SLC7A8: variants seen among roughly 807,000 people sequenced by gnomAD.
SLC7A8 encodes the protein solute carrier family 7 member 8.
A neutral mutation model predicts 51.2 loss-of-function variants in SLC7A8; 30 were observed. That is an observed-to-expected ratio of 0.59 (90% confidence interval 0.44 to 0.80). The LOEUF (loss-of-function observed/expected upper bound fraction) is 0.80. Ranked by LOEUF, SLC7A8 falls within the 30% of genes least tolerant of loss-of-function variation. The pLI is 0.00. For synonymous variants in SLC7A8, 257 were observed against 275.8 expected, an observed-to-expected ratio of 0.93 and a Z score of 0.67; for missense variants, 612 against 674.4, an observed-to-expected ratio of 0.91 and a Z score of 1.03.
rs1276430149 is a variant in SLC7A8, at chr14:23,183,191, T to C, written c.-277A>G. ...GGAGACATACATTTAAATATAAAAA[T>C]AGAACTGTGCCAGCGACTCCGGCTG... On this transcript the variant is annotated 5_prime_UTR_variant, in exon 1 of 11. Coordinates refer to ENST00000316902, the MANE Select transcript of SLC7A8 (RefSeq NM_012244.4). 1 of 296,246 alleles carries C rather than the reference T, an allele frequency of 3.4e-6. No homozygotes were observed. The highest frequency in any genetic ancestry group is 3.4e-5 in the South Asian group (1 of 29,842). The allele number at this position is 296,246 out of a possible 1,614,324, so 18.4% of individuals were successfully genotyped here. A position where few individuals can be genotyped will look rare whatever the true frequency, so the allele number is the denominator to read the frequency against.
At chr14:23,169,827 C>T (rs2048967614) in intron 1 of SLC7A8, among the ~76,000 whole-genome samples, 1 of 152,126 alleles carries the variant, frequency 6.6e-6, no homozygotes, top group Non-Finnish European at 1.5e-5. Flanking sequence ...CCTAGAAAGG[C>T]AGTTATTTGC....
chr14:23,147,919 T>C (rs1022255625), intron 3 of SLC7A8, among the ~76,000 whole-genome samples: 6 of 152,196 alleles, frequency 3.9e-5, no homozygotes, highest in African/African-American at 1.4e-4. Flanking sequence ...CAATGCTTTC[T>C]GCAGGACTGG....
intron 4 of SLC7A8, 39 bp from the exon 5 acceptor site, chr14:23,140,663 A>G (rs931194742): frequency 4.4e-6 from 7 of 1,588,292 alleles, no homozygotes; most frequent in Non-Finnish European, 6.0e-6. Context: ...CAGTGAGACA[A>G]GTCAGGGGCC....
intron 5 of SLC7A8, 36 bp downstream of exon 5, chr14:23,140,435 C>T: frequency 6.4e-7 from 1 of 1,574,154 alleles, no homozygotes; most frequent in African/African-American, 1.4e-5. Flanking sequence ...TGTGGCCCTT[C>T]AAGGGAGAGG....
At chr14:23,179,953 T>G (rs1327107588) in intron 1 of SLC7A8, among the ~76,000 whole-genome samples, 1 of 150,510 alleles carries the variant, frequency 6.6e-6, no homozygotes, top group Non-Finnish European at 1.5e-5. Context: ...TCACCCAGAC[T>G]GGAGTGCAGT....
chr14:23,172,888 C>A (rs2048981761), intron 1 of SLC7A8, among the ~76,000 whole-genome samples: 1 of 152,052 alleles, frequency 6.6e-6, no homozygotes, highest in Non-Finnish European at 1.5e-5. Context: ...AAGCTCTAAT[C>A]CCTTTCAAAT....
chr14:23,135,286 T>C (rs2048678727), intron 7 of SLC7A8, among the ~76,000 whole-genome samples: 1 of 151,654 alleles, frequency 6.6e-6, no homozygotes, highest in Non-Finnish European at 1.5e-5. Context: ...AGGTGGGGTT[T>C]CATTATATTG....
intron 1 of SLC7A8, among the ~76,000 whole-genome samples, chr14:23,169,653 C>T (rs928468066): frequency 1.3e-5 from 2 of 152,164 alleles, no homozygotes; most frequent in South Asian, 2.1e-4. Context: ...GTGATCCACC[C>T]GCCTCGACCT....
chr14:23,166,685 C>G, intron 1 of SLC7A8, 145 bp from the exon 2 acceptor site: 1 of 794,912 alleles, frequency 1.3e-6, no homozygotes, highest in Non-Finnish European at 2.0e-6. Flanking sequence ...GTGTGCCTAG[C>G]AATAATTCTC....
At chr14:23,179,911 T>G (rs1022843126) in intron 1 of SLC7A8, among the ~76,000 whole-genome samples, 2 of 150,674 alleles carry the variant, frequency 1.3e-5, no homozygotes, top group African/African-American at 2.4e-5. Context: ...TTTGACTTTT[T>G]TTTTTTTTTT....
At chr14:23,134,135 C>T (rs2048665917) in intron 7 of SLC7A8, among the ~76,000 whole-genome samples, 1 of 137,172 alleles carries the variant, frequency 7.3e-6, no homozygotes, top group Admixed American at 7.4e-5. Flanking sequence ...ATTTATGGGC[C>T]TATTTATTAA....
chr14:23,149,489 ATGATTT>A, intron 3 of SLC7A8, among the ~76,000 whole-genome samples: 1 of 152,228 alleles, frequency 6.6e-6, no homozygotes, highest in Non-Finnish European at 1.5e-5. Context: ...TTCTGCCCCC[ATGATTT>A]TGTTGGTCTC....
intron 3 of SLC7A8, chr14:23,147,079 A>ATCCATCCATCCATCCC (rs2048801879): frequency 3.3e-4 from 1 of 3,064 alleles, no homozygotes; most frequent in Non-Finnish European, 1.0e-3. Flanking sequence ...GGGGCTTTTT[A>ATCCATCCATCCATCCC]TCCATCCATC....
intron 1 of SLC7A8, among the ~76,000 whole-genome samples, chr14:23,179,503 C>T (rs540429575): frequency 1.3e-4 from 19 of 145,942 alleles, no homozygotes; most frequent in Non-Finnish European, 2.1e-4. Flanking sequence ...TGCCACAGTC[C>T]CTGAAAAAAA....
intron 2 of SLC7A8, among the ~76,000 whole-genome samples, 182 bp downstream of exon 2, chr14:23,166,154 A>G (rs903814448): frequency 2.6e-5 from 4 of 152,154 alleles, no homozygotes; most frequent in Admixed American, 2.6e-4. Flanking sequence ...GGGAGCCTCA[A>G]GGGGATACAA....
At chr14:23,157,438 TAC>T (rs1325517642) in intron 3 of SLC7A8, among the ~76,000 whole-genome samples, 1 of 152,216 alleles carries the variant, frequency 6.6e-6, no homozygotes, top group East Asian at 1.9e-4. Context: ...TCTCCTAAAA[TAC>T]AGATATGATC....
chr14:23,142,164 G>T (rs1439994589), intron 4 of SLC7A8, among the ~76,000 whole-genome samples: 1 of 152,226 alleles, frequency 6.6e-6, no homozygotes, highest in Non-Finnish European at 1.5e-5. Context: ...AGTCCGGGCT[G>T]CCCACACTGC....
intron 3 of SLC7A8, chr14:23,154,595 A>G: frequency 1.9e-6 from 1 of 538,948 alleles, no homozygotes; most frequent in Non-Finnish European, 2.4e-6. Flanking sequence ...GGAGGTAAGC[A>G]GTGCCGGCTG....
intron 3 of SLC7A8, among the ~76,000 whole-genome samples, chr14:23,152,745 C>T (rs2048858689): frequency 6.6e-6 from 1 of 152,296 alleles, no homozygotes; most frequent in South Asian, 2.1e-4. Context: ...GCTTTGGATA[C>T]AGGACTCTGG....
Sources: allele counts gnomAD v4.1 joint callset (sites outside exome capture counted in the v4.1 genomes callset), GRCh38; gene constraint gnomAD v4.1.1; transcripts MANE v1.5; gene names NCBI Gene and HGNC (gene_info 2026-07-23, HGNC 2026-07-21).